VTI1A: variants seen among roughly 807,000 people sequenced by gnomAD.
VTI1A encodes the protein vesicle transport through interaction with t-SNAREs homolog 1A.
In VTI1A, 22 loss-of-function variants were observed where a neutral mutation model predicts 34.9. The observed-to-expected ratio is 0.63, with a 90% CI of 0.45 to 0.90. The LOEUF is 0.90. VTI1A is among the 40% of genes least tolerant of loss of function. VTI1A has a pLI of 0.00. For missense variants in VTI1A, 268 were observed against 275.6 expected (o/e 0.97, Z 0.20); for synonymous variants, 87 against 97.3 (o/e 0.89, Z 0.62).
intron 7 of VTI1A, among the ~76,000 whole-genome samples, chr10:112,810,085 G>C (rs1446874216): frequency 2.0e-5 from 3 of 151,824 alleles, no homozygotes; most frequent in Non-Finnish European, 4.4e-5. Context: ...CAAAGAAAGG[G>C]TGGTTTGATT....
the VTI1A span, among the ~76,000 whole-genome samples, chr10:112,836,946 A>G: frequency 6.6e-6 from 1 of 152,194 alleles, no homozygotes; most frequent in East Asian, 1.9e-4. Flanking sequence ...TCCATCTTCT[A>G]TCCCTCCAAG....
chr10:112,680,959 G>A (rs1046376513), intron 7 of VTI1A, among the ~76,000 whole-genome samples: 1 of 152,122 alleles, frequency 6.6e-6, no homozygotes, highest in African/African-American at 2.4e-5. Flanking sequence ...CCACAGCTGT[G>A]TTGAGGATAC....
chr10:112,702,372 A>G (rs1376468261), intron 7 of VTI1A, among the ~76,000 whole-genome samples: 4 of 152,160 alleles, frequency 2.6e-5, no homozygotes, highest in African/African-American at 9.7e-5. Flanking sequence ...TAAAACCAGG[A>G]TTCGTTTAAA....
At chr10:112,830,382 G>A in the VTI1A span, among the ~76,000 whole-genome samples, 2 of 150,686 alleles carry the variant, frequency 1.3e-5, no homozygotes, top group African/African-American at 4.9e-5. Flanking sequence ...TCTCCCCTCA[G>A]AGCCTCTGCC....
intron 7 of VTI1A, among the ~76,000 whole-genome samples, chr10:112,740,285 TC>T (rs1174910713): frequency 1.3e-5 from 2 of 148,470 alleles, no homozygotes; most frequent in Non-Finnish European, 2.9e-5. Context: ...GTGAACACTT[TC>T]TTTCTTTCTT....
chr10:112,671,207 A>G (rs956137503), intron 7 of VTI1A, among the ~76,000 whole-genome samples: 1 of 152,186 alleles, frequency 6.6e-6, no homozygotes, highest in Non-Finnish European at 1.5e-5. Context: ...CAACCCTCCC[A>G]TTCATATGGC....
chr10:112,588,533 T>C (rs1407353355), intron 5 of VTI1A, among the ~76,000 whole-genome samples: 1 of 152,214 alleles, frequency 6.6e-6, no homozygotes, highest in Non-Finnish European at 1.5e-5. Context: ...TCAGAGCTAC[T>C]GTACATCTTC....
intron 5 of VTI1A, among the ~76,000 whole-genome samples, chr10:112,610,076 G>T (rs974931865): frequency 1.3e-5 from 2 of 149,952 alleles, no homozygotes; most frequent in African/African-American, 2.4e-5. Context: ...AAACACACAG[G>T]AAAAGAAAAA....
At chr10:112,583,493 A>C (rs1485487876) in intron 5 of VTI1A, among the ~76,000 whole-genome samples, 1 of 152,214 alleles carries the variant, frequency 6.6e-6, no homozygotes, top group Non-Finnish European at 1.5e-5. Context: ...TTTACTAACT[A>C]TTCAAATGCC....
chr10:112,501,933 C>T (rs746595706), intron 3 of VTI1A, among the ~76,000 whole-genome samples: 26 of 151,946 alleles, frequency 1.7e-4, no homozygotes, highest in Admixed American at 5.9e-4. Context: ...TTATATCCTC[C>T]GTGCTGTTTT....
At chr10:112,519,117 C>T (rs1009376353) in intron 3 of VTI1A, among the ~76,000 whole-genome samples, 8 of 151,988 alleles carry the variant, frequency 5.3e-5, no homozygotes, top group Non-Finnish European at 1.5e-5. Flanking sequence ...AAGAAACTGT[C>T]GCAACATGGG....
At chr10:112,482,098 A>G (rs1848477528) in intron 3 of VTI1A, among the ~76,000 whole-genome samples, 1 of 152,204 alleles carries the variant, frequency 6.6e-6, no homozygotes, top group African/African-American at 2.4e-5. Flanking sequence ...AGTAGTCAGG[A>G]AGACTTAGAA....
At chr10:112,801,398 T>C (rs1283532007) in intron 7 of VTI1A, among the ~76,000 whole-genome samples, 1 of 152,192 alleles carries the variant, frequency 6.6e-6, no homozygotes, top group East Asian at 1.9e-4. Flanking sequence ...GATACTCTCT[T>C]TTTAAGACTG....
intron 3 of VTI1A, among the ~76,000 whole-genome samples, chr10:112,510,211 T>G (rs892845599): frequency 6.6e-6 from 1 of 152,218 alleles, no homozygotes; most frequent in South Asian, 2.1e-4. Context: ...GATCTTTGGT[T>G]AGTGCTGAAG....
chr10:112,573,024 A>C (rs1852201951), intron 5 of VTI1A, among the ~76,000 whole-genome samples: 1 of 151,940 alleles, frequency 6.6e-6, no homozygotes, highest in African/African-American at 2.4e-5. Context: ...ATACTAGATA[A>C]ATAAGTTGTT....
chr10:112,797,283 A>G (rs916208086), intron 7 of VTI1A, among the ~76,000 whole-genome samples: 7 of 152,338 alleles, frequency 4.6e-5, no homozygotes, highest in African/African-American at 1.7e-4. Flanking sequence ...AAAAACAAAT[A>G]TATACAGAGA....
At chr10:112,651,289 A>G (rs1488032554) in intron 5 of VTI1A, among the ~76,000 whole-genome samples, 2 of 152,218 alleles carry the variant, frequency 1.3e-5, no homozygotes, top group Non-Finnish European at 2.9e-5. Flanking sequence ...AAATATTGCC[A>G]TCATCTCTCT....
At chr10:112,787,604 T>C (rs1852326712) in intron 7 of VTI1A, among the ~76,000 whole-genome samples, 1 of 152,106 alleles carries the variant, frequency 6.6e-6, no homozygotes, top group Non-Finnish European at 1.5e-5. Flanking sequence ...TGTTGTGATT[T>C]TTTTCTTTGA....
chr10:112,472,526 C>T (rs897582697), intron 3 of VTI1A, among the ~76,000 whole-genome samples: 7 of 151,638 alleles, frequency 4.6e-5, no homozygotes, highest in African/African-American at 1.7e-4. Context: ...AAGCCAGTAC[C>T]CATATTCTTT....
Sources: allele counts gnomAD v4.1 joint callset (sites outside exome capture counted in the v4.1 genomes callset), GRCh38; gene constraint gnomAD v4.1.1; transcripts MANE v1.5; gene names NCBI Gene and HGNC (gene_info 2026-07-23, HGNC 2026-07-21).